The following GRIA1 variants were observed in gnomAD, a reference collection of about 807,000 sequenced individuals.
The protein encoded by GRIA1 is glutamate ionotropic receptor AMPA type subunit 1.
A neutral mutation model predicts 99.2 loss-of-function variants in GRIA1; 31 were observed. The observed-to-expected ratio is 0.31, with a 90% CI of 0.23 to 0.42. The LOEUF (loss-of-function observed/expected upper bound fraction) is 0.42. Among genes scored for constraint, GRIA1 ranks in the 10% least tolerant of loss-of-function variants. GRIA1 has a pLI of 1.00. For missense variants in GRIA1, 782 were observed against 1,157.5 expected (o/e 0.68, Z 4.71); for synonymous variants, 438 against 432.4 (o/e 1.01, Z -0.16).
chr5:153,547,975 C>A (rs1346101724), intron 2 of GRIA1, among the ~76,000 whole-genome samples: 1 of 152,164 alleles, frequency 6.6e-6, no homozygotes, highest in Non-Finnish European at 1.5e-5. Context: ...AGATTTTTGA[C>A]ATACCCCATG....
intron 11 of GRIA1, among the ~76,000 whole-genome samples, chr5:153,710,443 G>T (rs765597126): frequency 6.6e-6 from 1 of 152,048 alleles, no homozygotes; most frequent in Non-Finnish European, 1.5e-5. Context: ...AGCTGGTCTT[G>T]AACCCCTGAA....
At chr5:153,690,828 G>A (rs1452093348) in intron 8 of GRIA1, among the ~76,000 whole-genome samples, 1 of 152,116 alleles carries the variant, frequency 6.6e-6, no homozygotes, top group African/African-American at 2.4e-5. Context: ...TGTTTATGGG[G>A]GATCTGCCTT....
At chr5:153,541,717 G>A (rs1333187465) in intron 2 of GRIA1, among the ~76,000 whole-genome samples, 1 of 152,018 alleles carries the variant, frequency 6.6e-6, no homozygotes, top group Non-Finnish European at 1.5e-5. Context: ...GGATCAAGAG[G>A]TCAAGAGATT....
intron 11 of GRIA1, among the ~76,000 whole-genome samples, chr5:153,726,509 A>G (rs1422348089): frequency 6.6e-6 from 1 of 151,874 alleles, no homozygotes; most frequent in Non-Finnish European, 1.5e-5. Context: ...CTAATAAAGA[A>G]GAAAAGAGAG....
intron 2 of GRIA1, among the ~76,000 whole-genome samples, chr5:153,603,700 C>T (rs1030100235): frequency 6.6e-6 from 1 of 152,100 alleles, no homozygotes; most frequent in African/African-American, 2.4e-5. Context: ...GTGGCCTCAC[C>T]AATGTGGTGT....
At chr5:153,657,098 A>C (rs1302425696) in intron 5 of GRIA1, among the ~76,000 whole-genome samples, 1 of 151,932 alleles carries the variant, frequency 6.6e-6, no homozygotes, top group African/African-American at 2.4e-5. Context: ...TTCTTTATCC[A>C]TTTTTCAGTT....
chr5:153,655,985 G>A (rs927798701), intron 5 of GRIA1, 113 bp downstream of exon 5: 5 of 835,578 alleles, frequency 6.0e-6, no homozygotes, highest in Admixed American at 1.8e-5. Context: ...GGCAATTCAG[G>A]GCTGTAATAA....
chr5:153,632,375 G>A (rs767845666), intron 2 of GRIA1, among the ~76,000 whole-genome samples: 31 of 152,166 alleles, frequency 2.0e-4, no homozygotes, highest in African/African-American at 7.5e-4. Flanking sequence ...CAAACTTACA[G>A]CTAATTTTTG....
rs868125398 is a variant in GRIA1 at position 153,792,798 on chromosome 5, G to A, written c.2271-1823G>A. Among the ~76,000 whole-genome samples the A allele has an allele frequency of 4.6e-5, 7 of 152,276 alleles. No individual in the cohort carries two copies. In the Middle Eastern group the frequency reaches 0.024, roughly 521 times the overall value. On this transcript the variant is annotated intron_variant, in intron 13 of 15. Transcript: ENST00000285900. ...GAAGAAACAGAGAGAGAAAGACAGA[G>A]AGAGAGAGAGGAGTACTGGCCCATA...
intron 5 of GRIA1, among the ~76,000 whole-genome samples, chr5:153,663,819 C>A (rs1335706225): frequency 6.6e-6 from 1 of 152,184 alleles, no homozygotes; most frequent in Admixed American, 6.5e-5. Flanking sequence ...TCTCTCATAG[C>A]CACACTGGCT....
intron 7 of GRIA1, among the ~76,000 whole-genome samples, chr5:153,680,649 C>T (rs1349823903): frequency 6.6e-6 from 1 of 152,134 alleles, no homozygotes; most frequent in African/African-American, 2.4e-5. Flanking sequence ...AACCTGCCAG[C>T]CAACAATCAA....
intron 2 of GRIA1, among the ~76,000 whole-genome samples, chr5:153,636,791 A>G (rs978521736): frequency 2.0e-5 from 3 of 152,234 alleles, no homozygotes; most frequent in Non-Finnish European, 2.9e-5. Flanking sequence ...AATTCATGTA[A>G]GGCACTTAGC....
intron 8 of GRIA1, among the ~76,000 whole-genome samples, chr5:153,686,907 C>A (rs1203171115): frequency 1.4e-4 from 22 of 152,276 alleles, no homozygotes; most frequent in East Asian, 3.9e-4. Flanking sequence ...GATTTCTTCA[C>A]CCTTAACCCT....
At chr5:153,796,638 T>G (rs979709753) in intron 14 of GRIA1, among the ~76,000 whole-genome samples, 4 of 152,116 alleles carry the variant, frequency 2.6e-5, no homozygotes, top group African/African-American at 7.2e-5. Context: ...GTAGTCAATG[T>G]CATTTACTTC....
chr5:153,509,012 T>A (rs1312551401), intron 2 of GRIA1, among the ~76,000 whole-genome samples: 1 of 152,210 alleles, frequency 6.6e-6, no homozygotes, highest in East Asian at 1.9e-4. Flanking sequence ...TATTTAAAGC[T>A]TCTGCTCATG....
chr5:153,682,786 C>T (rs540469661), intron 7 of GRIA1, among the ~76,000 whole-genome samples: 5 of 152,302 alleles, frequency 3.3e-5, no homozygotes, highest in East Asian at 1.9e-4. Context: ...CCTATTGCTA[C>T]GATTCTGAAT....
intron 7 of GRIA1, among the ~76,000 whole-genome samples, chr5:153,677,454 C>T (rs1756671446): frequency 6.6e-6 from 1 of 152,172 alleles, no homozygotes; most frequent in East Asian, 1.9e-4. Context: ...TTGAAATACA[C>T]AAGGATGAAA....
chr5:153,702,874 T>C lies in GRIA1; in HGVS notation c.1453-2823T>C, dbSNP rs80212779. ...TCTTGACCCTCACAAAACAAGCCTG[T>C]GAAATTGGTGAAACAAGAATTATTA... is the stretch of plus-strand genomic sequence containing the variant. On this transcript the variant is annotated intron_variant, in intron 10 of 15. Transcript: ENST00000285900. Among the ~76,000 whole-genome samples the C allele has an allele frequency of 7.5e-3, 1,144 of 152,298 alleles. 16 individuals carry two copies. The highest frequency in any genetic ancestry group is 0.026 in the African/African-American group (1,095 of 41,552).
chr5:153,656,095 A>G (rs1043835183), intron 5 of GRIA1, among the ~76,000 whole-genome samples: 2 of 152,118 alleles, frequency 1.3e-5, no homozygotes, highest in African/African-American at 2.4e-5. Context: ...AAGAGAGCAT[A>G]CTGGTGGGCA....
Sources: allele counts gnomAD v4.1 joint callset (sites outside exome capture counted in the v4.1 genomes callset), GRCh38; gene constraint gnomAD v4.1.1; transcripts MANE v1.5; gene names NCBI Gene and HGNC (gene_info 2026-07-23, HGNC 2026-07-21).